The following IPO11 variants were observed in gnomAD, a reference collection of about 807,000 sequenced individuals.
IPO11 encodes the protein importin 11.
A neutral mutation model predicts 143.2 loss-of-function variants in IPO11; 66 were observed. The ratio of observed to expected loss-of-function variants is 0.46; its 90% CI spans 0.38 to 0.57. The LOEUF is 0.57. Ranked by LOEUF, IPO11 falls within the 20% of genes least tolerant of loss-of-function variation. The probability of loss-of-function intolerance (pLI) is 0.00; values close to 1 mark genes in which losing one functional copy is unlikely to be tolerated. For synonymous variants in IPO11, 385 were observed against 377.8 expected (o/e 1.02, Z -0.22); for missense variants, 1,026 against 1,141.0 (o/e 0.90, Z 1.45).
chr5:62,598,668 C>A (rs1005225953), intron 28 of IPO11, among the ~76,000 whole-genome samples: 13 of 150,372 alleles, frequency 8.6e-5, no homozygotes, highest in Admixed American at 6.0e-4. Flanking sequence ...TCTCAGCCTC[C>A]CGAGTAGCTG....
intron 2 of IPO11, among the ~76,000 whole-genome samples, chr5:62,439,326 G>A (rs1336126080): frequency 2.5e-5 from 3 of 120,034 alleles, no homozygotes; most frequent in African/African-American, 3.3e-5. Flanking sequence ...TCGCTCTGTC[G>A]CACAGGCTGG....
chr5:62,449,853 T>A, intron 3 of IPO11, 74 bp from the exon 4 acceptor site: 1 of 919,722 alleles, frequency 1.1e-6, no homozygotes, highest in Non-Finnish European at 1.6e-6. Context: ...TTATTAAAAT[T>A]TACAGTAATG....
At chr5:62,608,959 G>A (rs950955244) in intron 29 of IPO11, among the ~76,000 whole-genome samples, 3 of 152,112 alleles carry the variant, frequency 2.0e-5, no homozygotes, top group African/African-American at 4.8e-5. Context: ...TGTCTCCATC[G>A]TTTTGTCTTT....
At chr5:62,503,978 C>T (rs971029766) in intron 16 of IPO11, among the ~76,000 whole-genome samples, 2 of 152,150 alleles carry the variant, frequency 1.3e-5, no homozygotes, top group African/African-American at 4.8e-5. Flanking sequence ...GTCTTGAGCT[C>T]ATGTTACTTT....
chr5:62,545,645 A>G (rs1285369523), intron 24 of IPO11, among the ~76,000 whole-genome samples: 1 of 152,224 alleles, frequency 6.6e-6, no homozygotes, highest in African/African-American at 2.4e-5. Context: ...AAAGGAAACT[A>G]CCATCAGAGT....
intron 5 of IPO11, among the ~76,000 whole-genome samples, chr5:62,465,646 A>G (rs1323734322): frequency 2.6e-5 from 4 of 152,242 alleles, no homozygotes; most frequent in African/African-American, 7.2e-5. Flanking sequence ...TCTTTGAAAT[A>G]TTGCATATAT....
In IPO11 at chr5:62,536,748, T is replaced by C. The variant is rs905690896; in HGVS notation, c.2136T>C (p.Gly712=). ...NLRTCFKIIN[G]YIFLSSTEFL... is the part of the protein sequence containing the mutation. ...GAACTTGCTTTAAGATCATCAATGG[T>C]TATATCTTTTTATCATCAACAGAAT... The change falls in exon 23 of 30, where the codon GGT becomes GGC. Residue 712 remains glycine (G), a synonymous_variant. Transcript: ENST00000325324. 3.4e-5 allele frequency: 53 copies of C among 1,571,470 alleles called. No homozygotes were observed. Among genetic ancestry groups the C allele is most frequent in the Non-Finnish European group, 4.3e-5 (50 of 1,164,608 alleles).
intron 19 of IPO11, among the ~76,000 whole-genome samples, chr5:62,508,298 A>ATT (rs70981020): frequency 4.8e-4 from 61 of 127,464 alleles, no homozygotes; most frequent in African/African-American, 1.4e-3. Context: ...TGCCTGGCTA[A>ATT]TTTTTTTTTT....
At chr5:62,423,604 A>G (rs1383269595) in intron 1 of IPO11, among the ~76,000 whole-genome samples, 1 of 152,136 alleles carries the variant, frequency 6.6e-6, no homozygotes, top group African/African-American at 2.4e-5. Context: ...AAGTAGACAG[A>G]ATTTTATGAT....
intron 1 of IPO11, among the ~76,000 whole-genome samples, chr5:62,432,496 G>T (rs1744029171): frequency 6.6e-6 from 1 of 152,214 alleles, no homozygotes; most frequent in Non-Finnish European, 1.5e-5. Context: ...TGTCCCTGGA[G>T]TAGAGCTTCC....
chr5:62,506,145 G>A, intron 18 of IPO11, 96 bp from the exon 19 acceptor site: 1 of 612,346 alleles, frequency 1.6e-6, no homozygotes, highest in African/African-American at 1.8e-5. Flanking sequence ...TTACTGCTTT[G>A]ACATTATGAT....
chr5:62,484,086 TAGA>T lies in IPO11; in HGVS notation c.1102_1104del (p.Arg368del), dbSNP rs747343400. On this transcript the variant is annotated inframe_deletion, in exon 11 of 30. Transcript: ENST00000325324. ...CATATCCTACTTTGACAGAGATATGTAGAAGATTAGTCTCTCATTATTTCCTAT... is the reference window on the plus strand; with the variant it reads ...CATATCCTACTTTGACAGAGATATGTAGATTAGTCTCTCATTATTTCCTAT... 6 of 1,609,870 alleles carry T rather than the reference TAGA, an allele frequency of 3.7e-6. No homozygotes were observed. The highest frequency in any genetic ancestry group is 4.2e-6 in the Non-Finnish European group (5 of 1,177,878).
intron 16 of IPO11, among the ~76,000 whole-genome samples, chr5:62,500,536 C>T (rs969338386): frequency 2.6e-5 from 4 of 152,116 alleles, no homozygotes; most frequent in African/African-American, 9.7e-5. Flanking sequence ...CTTGCTGTGT[C>T]ACCCAGGCTG....
chr5:62,461,279 A>C (rs561519169), intron 5 of IPO11, among the ~76,000 whole-genome samples: 3 of 152,248 alleles, frequency 2.0e-5, no homozygotes, highest in South Asian at 4.1e-4. Flanking sequence ...AAAAAGAATC[A>C]TCAGGGATGA....
At chr5:62,527,853 T>C (rs1371790484) in intron 21 of IPO11, among the ~76,000 whole-genome samples, 2 of 152,206 alleles carry the variant, frequency 1.3e-5, no homozygotes, top group African/African-American at 4.8e-5. Flanking sequence ...TTAGAGTTTA[T>C]ATTTGAAATC....
rs1010358028 is a variant in IPO11 at position 62,504,965 on chromosome 5, T to G, written c.1665+67T>G. ...TTCTGCTTATGTCTTTGAATACTAT[T>G]TTATACATGAAATTATCTATGTGTT... is the stretch of plus-strand genomic sequence containing the variant. On this transcript the variant is annotated intron_variant, in intron 18 of 29. Transcript: ENST00000325324. 41 of 869,898 alleles carry G rather than the reference T, an allele frequency of 4.7e-5. No individual in the cohort carries two copies. The African/African-American group carries it at 6.2e-4, about 13-fold the overall frequency. 53.9% of individuals were successfully genotyped at this position (869,898 alleles called of 1,614,324 possible).
chr5:62,456,260 C>G (rs247231), intron 5 of IPO11, among the ~76,000 whole-genome samples: 66,011 of 151,966 alleles, frequency 0.43, 14,914 homozygotes, highest in South Asian at 0.53. Flanking sequence ...GATCCACTCT[C>G]CCATAATGCT....
At chr5:62,540,260 TACTTTGGTCTTC>T (rs1742884552) in intron 24 of IPO11, among the ~76,000 whole-genome samples, 2 of 152,186 alleles carry the variant, frequency 1.3e-5, no homozygotes, top group Admixed American at 6.5e-5. Context: ...CTCCTGAGTA[TACTTTGGTCTTC>T]ATTTTCCTCA....
chr5:62,537,161 A>G, intron 23 of IPO11, 48 bp from the exon 24 acceptor site: 3 of 1,089,756 alleles, frequency 2.8e-6, no homozygotes, highest in Non-Finnish European at 4.1e-6. Context: ...TGCCTTTTTG[A>G]TATTACAGAT....
Sources: allele counts gnomAD v4.1 joint callset (sites outside exome capture counted in the v4.1 genomes callset), GRCh38; gene constraint gnomAD v4.1.1; transcripts MANE v1.5; gene names NCBI Gene and HGNC (gene_info 2026-07-23, HGNC 2026-07-21).